TDRD9: variants seen among roughly 807,000 people sequenced by gnomAD.
The protein encoded by TDRD9 is ATP-dependent RNA helicase TDRD9.
In TDRD9, 124 loss-of-function variants were observed where a neutral mutation model predicts 172.6. The observed-to-expected ratio is 0.72, with a 90% CI of 0.62 to 0.83. The LOEUF is 0.83. TDRD9 is among the 40% of genes least tolerant of loss of function. TDRD9 has a pLI of 0.00. For missense variants in TDRD9, 1,479 were observed against 1,714.1 expected (o/e 0.86, Z 2.42); for synonymous variants, 619 against 617.1 (o/e 1.00, Z -0.05).
In TDRD9 at chr14:104,049,699, G is replaced by A; in HGVS notation, c.4047+19G>A. On this transcript the variant is annotated intron_variant, in intron 35 of 35. Coordinates refer to ENST00000409874, the MANE Select transcript of TDRD9 (RefSeq NM_153046.3). Reference sequence around the variant, plus strand: ...GAATCAGGTGAGTGGGACGCAGGCTGCTACATGAGCAGAGGCCACGTGGAG... The same window carrying A: ...GAATCAGGTGAGTGGGACGCAGGCTACTACATGAGCAGAGGCCACGTGGAG... 3.8e-6 allele frequency: 6 copies of A among 1,564,660 alleles called. No individual in the cohort carries two copies. The highest frequency in any genetic ancestry group is 5.2e-6 in the Non-Finnish European group (6 of 1,154,402).
At chr14:103,946,964 G>A (rs1043203670) in intron 1 of TDRD9, among the ~76,000 whole-genome samples, 4 of 152,150 alleles carry the variant, frequency 2.6e-5, no homozygotes, top group African/African-American at 4.8e-5. Context: ...AGTACTACAC[G>A]ATGTGATCTA....
intron 1 of TDRD9, among the ~76,000 whole-genome samples, chr14:103,940,194 A>C (rs2031133788): frequency 6.6e-6 from 1 of 152,178 alleles, no homozygotes; most frequent in Non-Finnish European, 1.5e-5. Flanking sequence ...TCATGTTGCT[A>C]AATCAGTCTA....
chr14:104,006,918 A>G lies in TDRD9; in HGVS notation c.2007+73A>G, dbSNP rs2034459247. The G allele has an allele frequency of 7.1e-6, 9 of 1,265,250 alleles. No homozygotes were observed. In the Admixed American group the frequency reaches 1.2e-4, roughly 17 times the overall value. 78.4% of individuals were successfully genotyped at this position (1,265,250 alleles called of 1,614,324 possible). ...TAGTACATTTTCATACCACAAACAT[A>G]TGAGGTAGAGACAGACAATGTTTTA... On this transcript the variant is annotated intron_variant, in intron 18 of 35. Transcript: ENST00000409874.
At chr14:104,051,387 A>G (rs942198293) in intron 35 of TDRD9, among the ~76,000 whole-genome samples, 1 of 152,116 alleles carries the variant, frequency 6.6e-6, no homozygotes, top group East Asian at 1.9e-4. Flanking sequence ...TGTCTTTGCT[A>G]TTGTGAATAG....
chr14:104,042,027 C>T (rs368559505), intron 33 of TDRD9, 42 bp from the exon 34 acceptor site: 29 of 1,255,938 alleles, frequency 2.3e-5, no homozygotes, highest in Middle Eastern at 1.9e-4. Flanking sequence ...AATTCAGTTA[C>T]GACGGAGCCT....
At chr14:103,942,789 T>C (rs1490765803) in intron 1 of TDRD9, among the ~76,000 whole-genome samples, 2 of 152,250 alleles carry the variant, frequency 1.3e-5, no homozygotes, top group Admixed American at 6.5e-5. Context: ...TGAATTATAA[T>C]TGTGAAATAT....
intron 23 of TDRD9, 34 bp downstream of exon 23, chr14:104,018,226 A>ATAATTGC: frequency 8.0e-7 from 1 of 1,256,228 alleles, no homozygotes; most frequent in South Asian, 1.3e-5. Flanking sequence ...TGCAATTATG[A>ATAATTGC]AGGAGGCATA....
intron 5 of TDRD9, among the ~76,000 whole-genome samples, chr14:103,968,188 G>T (rs984036974): frequency 2.6e-5 from 4 of 152,226 alleles, no homozygotes; most frequent in African/African-American, 9.6e-5. Flanking sequence ...GCAAAAGTTA[G>T]CTCCTCTCTT....
chr14:104,005,169 CCT>C, intron 14 of TDRD9, 103 bp from the exon 15 acceptor site: 3 of 1,176,280 alleles, frequency 2.6e-6, no homozygotes, highest in Non-Finnish European at 2.4e-6. Context: ...TTTCTTCTCT[CCT>C]CTCCTTCTCT....
intron 1 of TDRD9, among the ~76,000 whole-genome samples, chr14:103,954,829 A>G (rs2152131000): frequency 6.6e-6 from 1 of 152,220 alleles, no homozygotes; most frequent in African/African-American, 2.4e-5. Flanking sequence ...GGGTTTCACC[A>G]TGTTGGCCAG....
rs975885930 is a variant in TDRD9 at position 103,979,923 on chromosome 14, C to T, written c.1011+4370C>T. ...TTGGGTCTTGCTCTGTTACCTAGGC[C>T]GGAGTGCATTGGTGCGATCATAGCT... On this transcript the variant is annotated intron_variant, in intron 7 of 35. Transcript: ENST00000409874. 5.3e-5 allele frequency among the ~76,000 whole-genome samples: 8 copies of T among 151,164 alleles called. No homozygotes were observed. In the East Asian group the frequency reaches 5.8e-4, roughly 11 times the overall value.
chr14:104,033,623 G>A (rs1434490702), intron 30 of TDRD9, among the ~76,000 whole-genome samples: 2 of 152,110 alleles, frequency 1.3e-5, no homozygotes, highest in African/African-American at 2.4e-5. Flanking sequence ...GCAGGTGATG[G>A]CCCTTATGAG....
intron 18 of TDRD9, 134 bp downstream of exon 18, chr14:104,006,979 G>A: frequency 2.0e-6 from 2 of 981,572 alleles, no homozygotes; most frequent in Non-Finnish European, 1.5e-6. Context: ...TTGGTGTCCA[G>A]TGTTAAATTA....
Position 103,955,653 on chromosome 14 carries a change from AT to A in TDRD9, c.216-9del, listed in dbSNP as rs1566737580. 6.5e-7 allele frequency: 1 copy of A among 1,547,418 alleles called. No homozygotes were observed. On this transcript the variant is annotated splice_polypyrimidine_tract_variant and intron_variant, in intron 1 of 35. Transcript: ENST00000409874. ...TGGAAATAGTATACTAACTTTTACT[AT>A]TCTTTTCAGGTCACTCAGCCAAAGG...
At chr14:104,016,109 G>A (rs372032955) in intron 22 of TDRD9, 21 bp downstream of exon 22, 51 of 1,528,690 alleles carry the variant, frequency 3.3e-5, no homozygotes, top group South Asian at 9.4e-5. Context: ...GGGGCAGGCC[G>A]TCCTCTCTGG....
rs1328283904 is a variant in TDRD9, at chr14:103,980,131, G to T, written c.1011+4578G>T. ...TGTCTGTAGGGACCAGCCCCACAGG[G>T]TCGGTGGGTTTTTCTCCCCGTGTGC... On this transcript the variant is annotated intron_variant, in intron 7 of 35. Transcript: ENST00000409874. The surrounding 1 kb of genome is among the most constrained non-coding windows in gnomAD (Gnocchi z 4.5). Among the ~76,000 whole-genome samples the T allele has an allele frequency of 6.6e-6, 1 of 152,112 alleles. No individual in the cohort carries two copies. The highest frequency in any genetic ancestry group is 2.4e-5 in the African/African-American group (1 of 41,416).
chr14:103,974,766 G>T (rs1365559501), intron 6 of TDRD9, among the ~76,000 whole-genome samples: 2 of 151,990 alleles, frequency 1.3e-5, no homozygotes, highest in Non-Finnish European at 2.9e-5. Flanking sequence ...TCAGCCTCTT[G>T]AGTAGCTGGG....
At chr14:104,039,478 T>G (rs1447317606) in intron 32 of TDRD9, among the ~76,000 whole-genome samples, 1 of 152,212 alleles carries the variant, frequency 6.6e-6, no homozygotes, top group Non-Finnish European at 1.5e-5. Flanking sequence ...CTGAGACGCC[T>G]TAGGCAAGGG....
intron 32 of TDRD9, 105 bp downstream of exon 32, chr14:104,035,161 C>A (rs934936955): frequency 1.2e-6 from 1 of 817,090 alleles, no homozygotes; most frequent in Non-Finnish European, 2.0e-6. Context: ...TTTATGGAAG[C>A]TAGCCATGGC....
Sources: allele counts gnomAD v4.1 joint callset (sites outside exome capture counted in the v4.1 genomes callset), GRCh38; gene constraint gnomAD v4.1.1; non-coding constraint Gnocchi (gnomAD v3.1); transcripts MANE v1.5; gene names NCBI Gene and HGNC (gene_info 2026-07-23, HGNC 2026-07-21).